Variants in RNLS observed in about 807,000 individuals in gnomAD.
RNLS encodes the protein renalase.
Under a neutral mutation model 39.8 loss-of-function variants are expected in RNLS, and 39 were observed. The observed-to-expected ratio is 0.98, with a 90% CI of 0.76 to 1.28. The LOEUF (loss-of-function observed/expected upper bound fraction) is 1.28. Ranked by LOEUF, RNLS falls within the 50% of genes most tolerant of loss-of-function variation. The pLI is 0.00. For missense variants in RNLS, 410 were observed against 413.3 expected, an observed-to-expected ratio of 0.99 and a Z score of 0.07; for synonymous variants, 147 against 150.7, an observed-to-expected ratio of 0.98 and a Z score of 0.18.
rs569634702 is a variant in RNLS at position 88,312,192 on chromosome 10, T to A, written c.876+2274A>T. Among the ~76,000 whole-genome samples the A allele has an allele frequency of 1.1e-4, 17 of 152,334 alleles. No homozygotes were observed. In the East Asian group the frequency reaches 3.1e-3, roughly 28 times the overall value. ...TGAGCTGAAGCTGAGATGGGATAAGTATCTTGGACCACACAGGTGGGCCCA... is the reference window on the plus strand; with the variant it reads ...TGAGCTGAAGCTGAGATGGGATAAGAATCTTGGACCACACAGGTGGGCCCA... On this transcript the variant is annotated intron_variant, in intron 6 of 6. Transcript: ENST00000331772.
intron 4 of RNLS, among the ~76,000 whole-genome samples, chr10:88,393,950 C>T (rs550209860): frequency 1.5e-4 from 23 of 152,228 alleles, no homozygotes; most frequent in Admixed American, 9.2e-4. Flanking sequence ...GGAAAGGATT[C>T]CCTATTTAAT....
chr10:88,207,569 A>G, the RNLS span, among the ~76,000 whole-genome samples: 1 of 152,210 alleles, frequency 6.6e-6, no homozygotes, highest in African/African-American at 2.4e-5. Flanking sequence ...ACTCTCACAC[A>G]TTGCTTTAAA....
chr10:88,293,390 T>TC (rs1337024247), intron 6 of RNLS, among the ~76,000 whole-genome samples: 1 of 152,174 alleles, frequency 6.6e-6, no homozygotes, highest in East Asian at 1.9e-4. Flanking sequence ...AATTGAATAT[T>TC]TGGTTAACTT....
chr10:88,299,488 C>T (rs749357036), intron 6 of RNLS, among the ~76,000 whole-genome samples: 7 of 151,904 alleles, frequency 4.6e-5, no homozygotes, highest in Non-Finnish European at 8.8e-5. Context: ...AGCCAGGCAC[C>T]GTGGCGTGCG....
At chr10:88,350,478 G>A (rs570165052) in intron 5 of RNLS, among the ~76,000 whole-genome samples, 24 of 152,140 alleles carry the variant, frequency 1.6e-4, no homozygotes, top group East Asian at 1.2e-3. Flanking sequence ...GAGAACATGC[G>A]GTGTTTGGTT....
In RNLS at chr10:88,461,248, T is replaced by G. The variant is rs531385399; in HGVS notation, c.527-98523A>C. ...CCAGGGCTCAAGCAGAAATTAAAGG[T>G]TGCCAAGGGCTAAGAGCATGGGAAG... is the stretch of plus-strand genomic sequence containing the variant. On this transcript the variant is annotated intron_variant, in intron 4 of 6. Coordinates refer to ENST00000331772, the MANE Select transcript of RNLS (RefSeq NM_001031709.3). 3.9e-5 allele frequency among the ~76,000 whole-genome samples: 6 copies of G among 152,192 alleles called. No individual in the cohort carries two copies. The South Asian group carries it at 1.2e-3, about 32-fold the overall frequency.
At chr10:88,260,857 C>T in the RNLS span, among the ~76,000 whole-genome samples, 1 of 152,222 alleles carries the variant, frequency 6.6e-6, no homozygotes. Context: ...AAAAGGAACT[C>T]TTGAAATGAC....
At chr10:88,203,292 G>GTATA in the RNLS span, among the ~76,000 whole-genome samples, 1 of 12,964 alleles carries the variant, frequency 7.7e-5, no homozygotes, top group Non-Finnish European at 1.2e-4. Context: ...ATATATATAC[G>GTATA]TATGTATATA....
chr10:88,503,357 G>C (rs1314248686), intron 4 of RNLS, among the ~76,000 whole-genome samples: 1 of 152,066 alleles, frequency 6.6e-6, no homozygotes, highest in South Asian at 2.1e-4. Context: ...CTCCAGCCTG[G>C]GCAATGAAGT....
In RNLS at chr10:88,523,586, T is replaced by C. The variant is rs557128357; in HGVS notation, c.526+49317A>G. Among the ~76,000 whole-genome samples the C allele has an allele frequency of 1.1e-4, 16 of 152,214 alleles. 1 individual carries two copies. The highest frequency in any genetic ancestry group is 3.6e-4 in the African/African-American group (15 of 41,568). On this transcript the variant is annotated intron_variant, in intron 4 of 6. Coordinates refer to ENST00000331772, the MANE Select transcript of RNLS (RefSeq NM_001031709.3). ...TCCTTTCTAATCTTTGAGTCAGAAATTACAAAGAACAAAACAAAAGATGAT... is the reference window on the plus strand; with the variant it reads ...TCCTTTCTAATCTTTGAGTCAGAAACTACAAAGAACAAAACAAAAGATGAT...
Position 88,420,752 on chromosome 10 carries a change from TG to T in RNLS, c.527-58028del, listed in dbSNP as rs1333581118. Among the ~76,000 whole-genome samples, 7 of 152,328 alleles carry T rather than the reference TG, an allele frequency of 4.6e-5. No homozygotes were observed. In the East Asian group the frequency reaches 1.2e-3, roughly 25 times the overall value. Reference sequence around the variant, plus strand: ...CCAAAGGTCATAATGTGAACATACGTGGGGAGGAAGCATCCTTCAATTTACT... The same window carrying T: ...CCAAAGGTCATAATGTGAACATACGTGGGAGGAAGCATCCTTCAATTTACT... On this transcript the variant is annotated intron_variant, in intron 4 of 6. Transcript: ENST00000331772.
chr10:88,462,607 T>G (rs1842986958), intron 4 of RNLS, among the ~76,000 whole-genome samples: 5 of 151,700 alleles, frequency 3.3e-5, no homozygotes. Context: ...AATGGAGGAG[T>G]CAGGCATTAA....
chr10:88,203,385 T>C, the RNLS span, among the ~76,000 whole-genome samples: 10 of 10,832 alleles, frequency 9.2e-4, 3 homozygotes, highest in East Asian at 7.9e-3. Flanking sequence ...TATATATATA[T>C]ACACGTATGT....
chr10:88,242,099 C>A, the RNLS span, among the ~76,000 whole-genome samples: 1 of 152,038 alleles, frequency 6.6e-6, no homozygotes, highest in African/African-American at 2.4e-5. Flanking sequence ...TTCTCTTATC[C>A]CCATATCTTT....
chr10:88,213,488 A>G, the RNLS span, among the ~76,000 whole-genome samples: 3 of 152,060 alleles, frequency 2.0e-5, no homozygotes, highest in Admixed American at 2.0e-4. Context: ...TCCTTGTTCA[A>G]CATTTAGCAA....
intron 5 of RNLS, among the ~76,000 whole-genome samples, chr10:88,329,787 A>T (rs1219743282): frequency 6.6e-6 from 1 of 151,592 alleles, no homozygotes; most frequent in East Asian, 1.9e-4. Context: ...TTGATGTTCA[A>T]TTTGTCCTTT....
intron 4 of RNLS, among the ~76,000 whole-genome samples, chr10:88,513,591 T>A (rs532007110): frequency 6.6e-6 from 1 of 152,238 alleles, no homozygotes; most frequent in East Asian, 1.9e-4. Context: ...GTTGCAGATA[T>A]CACTACACCT....
At chr10:88,412,004 C>T (rs1232463878) in intron 4 of RNLS, among the ~76,000 whole-genome samples, 2 of 152,058 alleles carry the variant, frequency 1.3e-5, no homozygotes, top group East Asian at 3.9e-4. Context: ...GCCTGGGTCA[C>T]ATCAGGTTTA....
chr10:88,175,661 C>A, the RNLS span, among the ~76,000 whole-genome samples: 1 of 152,154 alleles, frequency 6.6e-6, no homozygotes, highest in Admixed American at 6.5e-5. Flanking sequence ...TGTGGCCCAT[C>A]ATATGATCTA....
Sources: allele counts gnomAD v4.1 joint callset (sites outside exome capture counted in the v4.1 genomes callset), GRCh38; gene constraint gnomAD v4.1.1; transcripts MANE v1.5; gene names NCBI Gene and HGNC (gene_info 2026-07-23, HGNC 2026-07-21).